The following SLC24A2 variants were observed in gnomAD, a reference collection of about 807,000 sequenced individuals.
SLC24A2 encodes solute carrier family 24 member 2.
SLC24A2 carries 36 observed loss-of-function variants against 62.0 expected under a neutral mutation model. The observed-to-expected ratio is 0.58, with a 90% CI of 0.44 to 0.77. SLC24A2 has a LOEUF of 0.77. Among genes scored for constraint, SLC24A2 ranks in the 30% least tolerant of loss-of-function variants. SLC24A2 has a pLI of 0.00. For missense variants in SLC24A2, 846 were observed against 817.9 expected (o/e 1.03, Z -0.42); for synonymous variants, 358 against 294.0 (o/e 1.22, Z -2.23).
At chr9:19,915,984 G>A in the SLC24A2 span, among the ~76,000 whole-genome samples, 1 of 151,924 alleles carries the variant, frequency 6.6e-6, no homozygotes, top group Admixed American at 6.6e-5. Context: ...CCTAACCAAA[G>A]GTCATAAAGC....
chr9:19,852,206 C>A, the SLC24A2 span, among the ~76,000 whole-genome samples: 1 of 151,922 alleles, frequency 6.6e-6, no homozygotes, highest in Admixed American at 6.6e-5. Flanking sequence ...GTTTAAGTTC[C>A]TTGTAGATTC....
At chr9:20,097,516 C>G in the SLC24A2 span, among the ~76,000 whole-genome samples, 4 of 151,952 alleles carry the variant, frequency 2.6e-5, no homozygotes, top group Non-Finnish European at 5.9e-5. Context: ...TTTGAGATCT[C>G]TGGTGATATT....
At chr9:19,752,346 G>A (rs1464777169) in intron 2 of SLC24A2, among the ~76,000 whole-genome samples, 2 of 152,038 alleles carry the variant, frequency 1.3e-5, no homozygotes, top group Non-Finnish European at 2.9e-5. Flanking sequence ...TGAGGTGATG[G>A]ACAGATCAAT....
the SLC24A2 span, among the ~76,000 whole-genome samples, chr9:20,223,264 C>T: frequency 1.3e-5 from 2 of 152,066 alleles, no homozygotes. Context: ...AATAAATGAA[C>T]ATAAATACCA....
intron 2 of SLC24A2, among the ~76,000 whole-genome samples, chr9:19,761,456 A>AT (rs1822325213): frequency 6.8e-6 from 1 of 146,506 alleles, no homozygotes; most frequent in African/African-American, 2.7e-5. Flanking sequence ...CATAAATGTC[A>AT]TTTTTTAATT....
the SLC24A2 span, among the ~76,000 whole-genome samples, chr9:20,148,348 G>A: frequency 6.6e-6 from 1 of 152,066 alleles, no homozygotes; most frequent in Non-Finnish European, 1.5e-5. Context: ...GATGCAACAA[G>A]AAAGGAAAGC....
the SLC24A2 span, among the ~76,000 whole-genome samples, chr9:20,147,614 C>A: frequency 6.6e-6 from 1 of 152,144 alleles, no homozygotes; most frequent in East Asian, 1.9e-4. Flanking sequence ...CAACCCTTAA[C>A]CTGACTTTTT....
At chr9:19,554,693 C>T (rs10964200) in intron 7 of SLC24A2, among the ~76,000 whole-genome samples, 3 of 152,140 alleles carry the variant, frequency 2.0e-5, no homozygotes, top group Non-Finnish European at 2.9e-5. Flanking sequence ...TTAAAGGGTG[C>T]GGATGCACCC....
At chr9:19,542,349 T>A (rs893229573) in intron 8 of SLC24A2, among the ~76,000 whole-genome samples, 1 of 152,198 alleles carries the variant, frequency 6.6e-6, no homozygotes, top group Non-Finnish European at 1.5e-5. Flanking sequence ...GCTGGGACAA[T>A]AGAGTTTTCT....
the SLC24A2 span, among the ~76,000 whole-genome samples, chr9:20,286,797 C>G: frequency 2.6e-5 from 4 of 152,288 alleles, no homozygotes; most frequent in African/African-American, 9.6e-5. Flanking sequence ...CTCTCCTGAA[C>G]AAAGTGTTTG....
At chr9:20,157,540 A>G in the SLC24A2 span, among the ~76,000 whole-genome samples, 1 of 151,696 alleles carries the variant, frequency 6.6e-6, no homozygotes, top group African/African-American at 2.4e-5. Flanking sequence ...CTGGGACTTC[A>G]TATTTCACAA....
At chr9:20,036,489 TC>T in the SLC24A2 span, among the ~76,000 whole-genome samples, 1 of 151,998 alleles carries the variant, frequency 6.6e-6, no homozygotes, top group Non-Finnish European at 1.5e-5. Context: ...ATCTTCCCAT[TC>T]CCCCCCACTA....
chr9:19,571,540 C>G (rs1261538186), intron 7 of SLC24A2, among the ~76,000 whole-genome samples: 2 of 152,054 alleles, frequency 1.3e-5, no homozygotes, highest in Non-Finnish European at 1.5e-5. Flanking sequence ...TAGTGCTACT[C>G]CAAGTATGGT....
rs1832577506 is a variant in SLC24A2 at position 19,508,219 on chromosome 9, AG to A, written c.*7933del. The A allele has an allele frequency of 2.0e-5, 3 of 152,330 alleles. No individual in the cohort carries two copies. The highest frequency in any genetic ancestry group is 7.2e-5 in the African/African-American group (3 of 41,574). The allele number at this position is 152,330 out of a possible 1,614,324, so 9.4% of individuals were successfully genotyped here. A position where few individuals can be genotyped will look rare whatever the true frequency, so the allele number is the denominator to read the frequency against. ...GGGTATATATGTGTACTTTGTGTTC[AG>A]GGTTCAATAGCGCAATTCAGTAACT... On this transcript the variant is annotated 3_prime_UTR_variant, in exon 11 of 11. Transcript: ENST00000341998.
chr9:19,635,064 C>A (rs12686805), intron 2 of SLC24A2, among the ~76,000 whole-genome samples: 21 of 152,214 alleles, frequency 1.4e-4, no homozygotes, highest in African/African-American at 4.8e-4. Context: ...AATAGAACAA[C>A]GGAAATTGTG....
At chr9:20,283,753 G>T in the SLC24A2 span, among the ~76,000 whole-genome samples, 49,694 of 115,602 alleles carry the variant, frequency 0.43, 8,656 homozygotes, top group South Asian at 0.54. Context: ...AAAAAAAAAG[G>T]GGGGGGGGGG....
chr9:19,752,506 T>C (rs867340414), intron 2 of SLC24A2, among the ~76,000 whole-genome samples: 2 of 114,678 alleles, frequency 1.7e-5, no homozygotes, highest in Non-Finnish European at 4.1e-5. Flanking sequence ...ACACAGACCA[T>C]GCAGTCACGC....
At chr9:19,686,405 G>A (rs1362217527) in intron 2 of SLC24A2, among the ~76,000 whole-genome samples, 3 of 152,070 alleles carry the variant, frequency 2.0e-5, no homozygotes, top group African/African-American at 4.8e-5. Context: ...TTCCAATACT[G>A]GCTATATACC....
chr9:19,850,966 T>C, the SLC24A2 span, among the ~76,000 whole-genome samples: 373 of 19,894 alleles, frequency 0.019, 17 homozygotes, highest in African/African-American at 0.029. Flanking sequence ...TATATATATA[T>C]GTATATATAT....
Sources: gnomAD v4.1 joint callset for allele counts (sites outside exome capture counted in the v4.1 genomes callset) on GRCh38, gnomAD v4.1.1 for gene constraint, MANE v1.5 for transcripts, NCBI Gene and HGNC (gene_info 2026-07-23, HGNC 2026-07-21) for gene names.